Variants in SMAD2 observed in about 807,000 individuals in gnomAD.
SMAD2 encodes SMAD family member 2, also known as MAD homolog 2.
In SMAD2, 8 loss-of-function variants were observed where a neutral mutation model predicts 64.4. The observed-to-expected ratio is 0.12, with a 90% CI of 0.07 to 0.22. The LOEUF (loss-of-function observed/expected upper bound fraction) is 0.22. Among genes scored for constraint, SMAD2 ranks in the 10% least tolerant of loss-of-function variants. The pLI is 1.00. For synonymous variants in SMAD2, 203 were observed against 195.8 expected, an observed-to-expected ratio of 1.04 and a Z score of -0.31; for missense variants, 289 against 561.2, an observed-to-expected ratio of 0.51 and a Z score of 4.90.
In SMAD2 at chr18:47,821,566, C is replaced by T. The variant is rs1457203542; in HGVS notation, c.*20261G>A. The T allele has an allele frequency of 6.6e-6, 1 of 152,200 alleles. No individual in the cohort carries two copies. Among genetic ancestry groups the T allele is most frequent in the Non-Finnish European group, 1.5e-5 (1 of 68,032 alleles). The allele number at this position is 152,200 out of a possible 1,614,324, so 9.4% of individuals were successfully genotyped here. ...TTTACATTCCTCTATAAGGCGTACACTCATAACCTTGGAAATACTCTTCCT... is the reference window on the plus strand; with the variant it reads ...TTTACATTCCTCTATAAGGCGTACATTCATAACCTTGGAAATACTCTTCCT... On this transcript the variant is annotated 3_prime_UTR_variant, in exon 11 of 11. Coordinates refer to ENST00000262160, the MANE Select transcript of SMAD2 (RefSeq NM_005901.6).
Position 47,869,322 on chromosome 18 carries a change from T to C in SMAD2, c.441A>G (p.Glu147=). 6.2e-7 allele frequency: 1 copy of C among 1,613,700 alleles called. No homozygotes were observed. The highest frequency in any genetic ancestry group is 1.6e-4 in the Middle Eastern group (1 of 6,062). The part of the protein sequence containing the change: ...LHSHHELKAI[E]NCEYAFNLKK... ...TAAGATTAAAAGCATATTCGCAGTT[T>C]TCAATTGCCTTGAGTTCATGATGAC... The change falls in exon 4 of 11, where the codon GAA becomes GAG. Residue 147 remains glutamate (E), a synonymous_variant. Transcript: ENST00000262160.
intron 10 of SMAD2, 170 bp downstream of exon 10, chr18:47,845,170 G>A: frequency 1.4e-6 from 1 of 706,576 alleles, no homozygotes; most frequent in South Asian, 1.5e-5. Flanking sequence ...TGGCAGCTCA[G>A]TAATTTGCAA....
chr18:47,880,972 A>G (rs2032552124), intron 2 of SMAD2, among the ~76,000 whole-genome samples: 1 of 152,122 alleles, frequency 6.6e-6, no homozygotes, highest in Admixed American at 6.5e-5. Flanking sequence ...TCACTCTCCA[A>G]TAGTTGTGAT....
In SMAD2 at chr18:47,815,124, C is replaced by T. The variant is rs138030149; in HGVS notation, c.*26703G>A. The stretch of plus-strand genomic sequence containing the variant: ...ACTGTTCTCACCCACTAGATGCCAT[C>T]ATGAGGAAGAAGCTAGGAAGAACCT... On this transcript the variant is annotated 3_prime_UTR_variant, in exon 11 of 11. Transcript: ENST00000262160. 6.6e-6 allele frequency: 1 copy of T among 152,364 alleles called. No individual in the cohort carries two copies. Among genetic ancestry groups the T allele is most frequent in the African/African-American group, 2.4e-5 (1 of 41,582 alleles). 9.4% of individuals were successfully genotyped at this position (152,364 alleles called of 1,614,324 possible).
chr18:47,872,731 AG>A (rs899665354), intron 2 of SMAD2, among the ~76,000 whole-genome samples: 1 of 152,126 alleles, frequency 6.6e-6, no homozygotes, highest in Non-Finnish European at 1.5e-5. Flanking sequence ...GCACTCCTTA[AG>A]AGAATCTAAC....
rs1913777687 is a variant in SMAD2, at chr18:47,839,917, T to C, written c.*1910A>G. The C allele has an allele frequency of 4.3e-6, 1 of 233,100 alleles. No individual in the cohort carries two copies. The highest frequency in any genetic ancestry group is 8.5e-6 in the Non-Finnish European group (1 of 118,034). 14.4% of individuals were successfully genotyped at this position (233,100 alleles called of 1,614,324 possible). ...GTCCTACCTGAAGCATCCCATCTGT[T>C]ATTCTCCAGTACAGTACCCTGTTTA... On this transcript the variant is annotated 3_prime_UTR_variant, in exon 11 of 11. Transcript: ENST00000262160.
chr18:47,885,496 G>T (rs1418638926), intron 2 of SMAD2, among the ~76,000 whole-genome samples: 1 of 151,932 alleles, frequency 6.6e-6, no homozygotes, highest in Admixed American at 6.6e-5. Context: ...CAATTAAAAA[G>T]AAAAATAGTA....
rs1023875879 is a variant in SMAD2, at chr18:47,818,355, A to G, written c.*23472T>C. 2 of 152,214 alleles carry G rather than the reference A, an allele frequency of 1.3e-5. No individual in the cohort carries two copies. The highest frequency in any genetic ancestry group is 4.8e-5 in the African/African-American group (2 of 41,458). 9.4% of individuals were successfully genotyped at this position (152,214 alleles called of 1,614,324 possible). On this transcript the variant is annotated 3_prime_UTR_variant, in exon 11 of 11. Transcript: ENST00000262160. ...TAATGTAAATTTAGGTTTGCCTAATAACTGCTTAGGGTGATGGAACAGTTA... is the reference window on the plus strand; with the variant it reads ...TAATGTAAATTTAGGTTTGCCTAATGACTGCTTAGGGTGATGGAACAGTTA...
chr18:47,866,316 C>CAAAAAAAAAAAAAAAA (rs34302955), intron 5 of SMAD2, among the ~76,000 whole-genome samples: 3 of 42,092 alleles, frequency 7.1e-5, no homozygotes, highest in African/African-American at 3.0e-4. Context: ...AACACCGTCT[C>CAAAAAAAAAAAAAAAA]AAAAAAAAAA....
Position 47,828,574 on chromosome 18 carries a change from T to G in SMAD2, c.*13253A>C, listed in dbSNP as rs1190083259. ...AGAAGTAGACATAGGAGACTCCATT[T>G]TGTTCTGTACTAGGAAAAATTCTTC... On this transcript the variant is annotated 3_prime_UTR_variant, in exon 11 of 11. Transcript: ENST00000262160. 6.0e-6 allele frequency: 1 copy of G among 165,666 alleles called. No individual in the cohort carries two copies. Among genetic ancestry groups the G allele is most frequent in the Non-Finnish European group, 1.3e-5 (1 of 78,694 alleles). The allele number at this position is 165,666 out of a possible 1,614,324, so 10.3% of individuals were successfully genotyped here.
chr18:47,881,977 A>G (rs2032618813), intron 2 of SMAD2, among the ~76,000 whole-genome samples: 1 of 149,502 alleles, frequency 6.7e-6, no homozygotes, highest in African/African-American at 2.5e-5. Flanking sequence ...TCCTGGGTCC[A>G]AGTAACCCTC....
intron 6 of SMAD2, among the ~76,000 whole-genome samples, chr18:47,854,821 A>G (rs982557180): frequency 2.0e-5 from 3 of 152,106 alleles, no homozygotes; most frequent in African/African-American, 7.2e-5. Context: ...GCAAACCACA[A>G]TGGTCCATTT....
At chr18:47,875,705 A>G (rs1370076685) in intron 2 of SMAD2, among the ~76,000 whole-genome samples, 1 of 152,136 alleles carries the variant, frequency 6.6e-6, no homozygotes, top group East Asian at 1.9e-4. Context: ...TTTCAATTTT[A>G]TTTATAAGGG....
intron 6 of SMAD2, among the ~76,000 whole-genome samples, chr18:47,864,459 T>G (rs548140629): frequency 9.2e-5 from 14 of 152,286 alleles, no homozygotes; most frequent in African/African-American, 3.1e-4. Context: ...ACAGGTAAAA[T>G]GAATCAAACT....
At chr18:47,896,177 T>C (rs1438002157) in intron 2 of SMAD2, among the ~76,000 whole-genome samples, 1 of 152,232 alleles carries the variant, frequency 6.6e-6, no homozygotes, top group Admixed American at 6.5e-5. Context: ...GATGAAAGTT[T>C]TGACTAAAGG....
chr18:47,843,064 T>C (rs1313303374), intron 10 of SMAD2, among the ~76,000 whole-genome samples: 1 of 152,200 alleles, frequency 6.6e-6, no homozygotes, highest in African/African-American at 2.4e-5. Context: ...CTGAGGCAGA[T>C]GGTATCAGTG....
intron 1 of SMAD2, among the ~76,000 whole-genome samples, chr18:47,923,142 C>A (rs1347991894): frequency 2.1e-5 from 3 of 145,656 alleles, no homozygotes; most frequent in Admixed American, 6.9e-5. Flanking sequence ...CTTGTAAACA[C>A]GTAACTTACA....
intron 2 of SMAD2, among the ~76,000 whole-genome samples, chr18:47,892,919 T>C (rs115712170): frequency 0.015 from 2,319 of 152,340 alleles, 60 homozygotes; most frequent in African/African-American, 0.053. Context: ...AAATAGCCAT[T>C]TTAGACCCCA....
rs1160777780 is a variant in SMAD2 at position 47,818,821 on chromosome 18, T to C, written c.*23006A>G. The C allele has an allele frequency of 6.6e-6, 1 of 152,236 alleles. No homozygotes were observed. Among genetic ancestry groups the C allele is most frequent in the African/African-American group, 2.4e-5 (1 of 41,456 alleles). 9.4% of individuals were successfully genotyped at this position (152,236 alleles called of 1,614,324 possible). A position where few individuals can be genotyped will look rare whatever the true frequency, so the allele number is the denominator to read the frequency against. On this transcript the variant is annotated 3_prime_UTR_variant, in exon 11 of 11. Coordinates refer to ENST00000262160, the MANE Select transcript of SMAD2 (RefSeq NM_005901.6). ...TACCAAAACTTTTGGTTCACAGCTT[T>C]CATAAGATTACCTATTCTGCATGTT...
Sources: gnomAD v4.1 joint callset for allele counts (sites outside exome capture counted in the v4.1 genomes callset) on GRCh38, gnomAD v4.1.1 for gene constraint, MANE v1.5 for transcripts, NCBI Gene and HGNC (gene_info 2026-07-23, HGNC 2026-07-21) for gene names.